MGLL: variants seen among roughly 807,000 people sequenced by gnomAD.
MGLL encodes the protein monoglyceride lipase.
In MGLL, 7 loss-of-function variants were observed where a neutral mutation model predicts 29.1. The ratio of observed to expected loss-of-function variants is 0.24; its 90% CI spans 0.14 to 0.45. The LOEUF (loss-of-function observed/expected upper bound fraction) is 0.45, where lower values mean the gene tolerates loss of function less well. Among genes scored for constraint, MGLL ranks in the 20% least tolerant of loss-of-function variants. The pLI is 0.99. For synonymous variants in MGLL, 148 were observed against 168.3 expected (o/e 0.88, Z 0.93); for missense variants, 356 against 413.6 (o/e 0.86, Z 1.21).
intron 3 of MGLL, among the ~76,000 whole-genome samples, chr3:127,734,109 G>GC (rs2076201648): frequency 6.6e-6 from 1 of 152,178 alleles, no homozygotes; most frequent in Non-Finnish European, 1.5e-5. Flanking sequence ...TAATTCTGGA[G>GC]CCCACCCCCT....
intron 5 of MGLL, among the ~76,000 whole-genome samples, chr3:127,717,738 T>C (rs2075842310): frequency 6.6e-6 from 1 of 152,074 alleles, no homozygotes. Flanking sequence ...TCTAAGAGGC[T>C]CCCAGAGAAA....
chr3:127,736,501 C>G (rs1411948957), intron 3 of MGLL: 6 of 283,416 alleles, frequency 2.1e-5, no homozygotes, highest in Non-Finnish European at 3.2e-5. Context: ...CCTGCCCAGG[C>G]AGGGCTGGGT....
At chr3:127,730,434 G>A (rs1430047803) in intron 3 of MGLL, among the ~76,000 whole-genome samples, 1 of 152,210 alleles carries the variant, frequency 6.6e-6, no homozygotes, top group African/African-American at 2.4e-5. Flanking sequence ...GGTTCCTGAA[G>A]CATACGCACA....
In MGLL at chr3:127,706,233, C is replaced by G. The variant is rs1576480800; in HGVS notation, c.600+4343G>C. Among the ~76,000 whole-genome samples, 5 of 152,250 alleles carry G rather than the reference C, an allele frequency of 3.3e-5. No individual in the cohort carries two copies. In the South Asian group the frequency reaches 1.0e-3, roughly 32 times the overall value. On this transcript the variant is annotated intron_variant, in intron 6 of 7. Transcript: ENST00000265052. Reference sequence around the variant, plus strand: ...TGTTCCCACGGAAGCCCAACTGAGCCCACATCTTTCTTTCCTCCACTGCCA... The same window carrying G: ...TGTTCCCACGGAAGCCCAACTGAGCGCACATCTTTCTTTCCTCCACTGCCA...
At chr3:127,770,580 C>T (rs2107693609) in intron 3 of MGLL, among the ~76,000 whole-genome samples, 1 of 152,192 alleles carries the variant, frequency 6.6e-6, no homozygotes, top group East Asian at 1.9e-4. Context: ...CATGCCCAAG[C>T]CGTGGCATGG....
At chr3:127,725,694 T>C (rs1559925739) in intron 3 of MGLL, among the ~76,000 whole-genome samples, 1 of 152,214 alleles carries the variant, frequency 6.6e-6, no homozygotes, top group Non-Finnish European at 1.5e-5. Context: ...ATATGCCTAC[T>C]ATCTTTATTC....
intron 3 of MGLL, among the ~76,000 whole-genome samples, chr3:127,778,043 GC>G (rs2077064591): frequency 3.3e-5 from 5 of 152,206 alleles, no homozygotes; most frequent in Admixed American, 3.3e-4. Flanking sequence ...TACCAGGCAT[GC>G]TGGAGACACA....
intron 6 of MGLL, among the ~76,000 whole-genome samples, chr3:127,706,998 T>C (rs1427464000): frequency 2.0e-5 from 3 of 152,158 alleles, no homozygotes; most frequent in Non-Finnish European, 4.4e-5. Context: ...CTCCTCGACA[T>C]TGGGCACATC....
chr3:127,780,419 C>A (rs1486891961), intron 3 of MGLL, among the ~76,000 whole-genome samples: 2 of 152,164 alleles, frequency 1.3e-5, no homozygotes, highest in Admixed American at 1.3e-4. Flanking sequence ...GAGGCTTTTA[C>A]ATGTAAGAAG....
At chr3:127,746,335 C>CA (rs1199756248) in intron 3 of MGLL, among the ~76,000 whole-genome samples, 2 of 152,260 alleles carry the variant, frequency 1.3e-5, no homozygotes, top group East Asian at 3.9e-4. Context: ...GGGCAGGTGG[C>CA]AGTCCCCCCT....
intron 3 of MGLL, among the ~76,000 whole-genome samples, chr3:127,774,828 C>A (rs1038213131): frequency 3.3e-5 from 5 of 152,194 alleles, no homozygotes; most frequent in Admixed American, 6.5e-5. Context: ...TGGCTTTCAA[C>A]AGGGGATGCT....
chr3:127,772,797 A>G (rs2076971701), intron 3 of MGLL, among the ~76,000 whole-genome samples: 1 of 152,168 alleles, frequency 6.6e-6, no homozygotes, highest in Admixed American at 6.5e-5. Flanking sequence ...TCATGGGGGC[A>G]GAGGCCTCAT....
At chr3:127,746,598 C>T (rs1218264456) in intron 3 of MGLL, among the ~76,000 whole-genome samples, 1 of 152,140 alleles carries the variant, frequency 6.6e-6, no homozygotes, top group Non-Finnish European at 1.5e-5. Flanking sequence ...GTTATGTTCC[C>T]CTCCCAACCT....
At chr3:127,782,941 C>A (rs1212454441) in intron 2 of MGLL, among the ~76,000 whole-genome samples, 2 of 152,092 alleles carry the variant, frequency 1.3e-5, no homozygotes, top group Admixed American at 1.3e-4. Flanking sequence ...ATAATCCCAG[C>A]ACTTTCGGAG....
intron 6 of MGLL, among the ~76,000 whole-genome samples, chr3:127,707,802 G>A (rs1286332135): frequency 2.6e-5 from 4 of 152,224 alleles, no homozygotes; most frequent in East Asian, 3.9e-4. Flanking sequence ...CACATGCGGC[G>A]AGAATGTGGC....
chr3:127,705,201 A>G (rs963902414), intron 6 of MGLL, among the ~76,000 whole-genome samples: 7 of 151,866 alleles, frequency 4.6e-5, no homozygotes, highest in Admixed American at 2.6e-4. Flanking sequence ...GAGGGGAACA[A>G]TACACACTGG....
intron 3 of MGLL, among the ~76,000 whole-genome samples, chr3:127,757,988 A>C (rs939017122): frequency 6.6e-6 from 1 of 152,178 alleles, no homozygotes; most frequent in African/African-American, 2.4e-5. Context: ...ATAGAGGAGA[A>C]AACTGAGGAT....
rs1301050241 is a variant in MGLL at position 127,692,291 on chromosome 3, C to G, written c.849G>C (p.Lys283Asn). The stretch of plus-strand genomic sequence containing the variant: ...CGGAGTTGGTGACTTCAGGAAGCTC[C>G]TTGTGGAGAACATGGTAGGCACCTT... The part of the protein sequence containing the change: ...IYEGAYHVLH[K>N]ELPEVTNSVF... Residue 283 changes from lysine to asparagine, a missense_variant, in exon 8 of 8, where the codon AAG becomes AAC. Lys to Asn is a moderately conservative substitution (Grantham distance 94). Coordinates refer to ENST00000265052, the MANE Select transcript of MGLL (RefSeq NM_007283.7). 2 of 1,613,964 alleles carry G rather than the reference C, an allele frequency of 1.2e-6. No individual in the cohort carries two copies. Among genetic ancestry groups the G allele is most frequent in the Non-Finnish European group, 1.7e-6 (2 of 1,179,960 alleles).
intron 2 of MGLL, among the ~76,000 whole-genome samples, chr3:127,812,865 C>A (rs772368843): frequency 6.6e-6 from 1 of 152,090 alleles, no homozygotes; most frequent in African/African-American, 2.4e-5. Context: ...TGGTGTTGAT[C>A]GGGGTGTGGT....
Sources: allele counts gnomAD v4.1 joint callset (sites outside exome capture counted in the v4.1 genomes callset), GRCh38; gene constraint gnomAD v4.1.1; transcripts MANE v1.5; gene names NCBI Gene and HGNC (gene_info 2026-07-23, HGNC 2026-07-21).